SENP1: variants seen among roughly 807,000 people sequenced by gnomAD.
SENP1 encodes the protein SUMO specific peptidase 1.
A neutral mutation model predicts 93.0 loss-of-function variants in SENP1; 21 were observed. The ratio of observed to expected loss-of-function variants is 0.23; its 90% CI spans 0.16 to 0.33. SENP1 has a LOEUF of 0.33. SENP1 is among the 10% of genes least tolerant of loss of function. SENP1 has a pLI of 1.00. For synonymous variants in SENP1, 256 were observed against 259.6 expected (o/e 0.99, Z 0.13); for missense variants, 591 against 758.7 (o/e 0.78, Z 2.60).
intron 5 of SENP1, chr12:48,085,403 T>G (rs1944787124): frequency 2.5e-6 from 3 of 1,215,394 alleles, no homozygotes. Flanking sequence ...GCATGTTCAC[T>G]GCCGAAGACC....
chr12:48,082,550 C>G (rs955151427), intron 6 of SENP1, among the ~76,000 whole-genome samples: 3 of 151,110 alleles, frequency 2.0e-5, no homozygotes, highest in African/African-American at 7.4e-5. Flanking sequence ...GTGGAAAGTA[C>G]ACTGGAAGCT....
intron 13 of SENP1, among the ~76,000 whole-genome samples, chr12:48,056,447 TATATTAC>T (rs1245843559): frequency 1.1e-4 from 12 of 110,642 alleles, no homozygotes; most frequent in Non-Finnish European, 2.0e-4. Context: ...AATTATTTAA[TATATTAC>T]ATATTACATA....
At chr12:48,104,226 A>AAAAT (rs1555189707) in intron 1 of SENP1, among the ~76,000 whole-genome samples, 11 of 53,712 alleles carry the variant, frequency 2.0e-4, no homozygotes, top group Non-Finnish European at 3.0e-4. Flanking sequence ...AGAAGAAAAA[A>AAAAT]ATATATATAG....
At chr12:48,081,364 G>C (rs1271400230) in intron 6 of SENP1, 1 of 152,072 alleles carries the variant, frequency 6.6e-6, no homozygotes, top group Admixed American at 6.6e-5. Context: ...ACTATATAGA[G>C]AAGATTAGCA....
At chr12:48,102,727 G>A (rs1248984189) in intron 1 of SENP1, among the ~76,000 whole-genome samples, 1 of 151,062 alleles carries the variant, frequency 6.6e-6, no homozygotes, top group Non-Finnish European at 1.5e-5. Context: ...CACAAAGGAA[G>A]GCAGCTTAAA....
chr12:48,094,386 A>G (rs1945417006), intron 4 of SENP1, among the ~76,000 whole-genome samples: 1 of 151,870 alleles, frequency 6.6e-6, no homozygotes, highest in East Asian at 1.9e-4. Flanking sequence ...TCTCAAAAAA[A>G]AATTAAAAAT....
At chr12:48,045,441 C>G (rs1172936737) in intron 17 of SENP1, 57 bp from the exon 18 acceptor site, 1 of 1,416,890 alleles carries the variant, frequency 7.1e-7, no homozygotes, top group Non-Finnish European at 1.0e-6. Flanking sequence ...ACCTGATACG[C>G]CTTTCCCCAT....
At chr12:48,085,289 T>C (rs1944780277) in intron 5 of SENP1, 1 of 1,533,738 alleles carries the variant, frequency 6.5e-7, no homozygotes, top group Non-Finnish European at 9.0e-7. Flanking sequence ...TGGTGCAGCA[T>C]GCCCTGGACA....
Position 48,045,019 on chromosome 12 carries a change from G to A in SENP1, c.*303C>T, listed in dbSNP as rs889851441. ...TTTCTCAGTCCCATAATTAGGGACT[G>A]AGTGAGGCTGGAGCCCTTTGAAAAC... is the stretch of plus-strand genomic sequence containing the variant. On this transcript the variant is annotated 3_prime_UTR_variant, in exon 18 of 18. Coordinates refer to ENST00000549518, the MANE Select transcript of SENP1 (RefSeq NM_001267594.2). 5.3e-6 allele frequency: 2 copies of A among 377,344 alleles called. No individual in the cohort carries two copies. The highest frequency in any genetic ancestry group is 3.8e-5 in the East Asian group (1 of 26,080). 23.4% of individuals were successfully genotyped at this position (377,344 alleles called of 1,614,324 possible). A position where few individuals can be genotyped will look rare whatever the true frequency, so the allele number is the denominator to read the frequency against.
chr12:48,048,153 C>T (rs2136753497), intron 14 of SENP1, 73 bp from the exon 15 acceptor site: 2 of 905,662 alleles, frequency 2.2e-6, no homozygotes, highest in Non-Finnish European at 3.6e-6. Context: ...CCCTTCCCTG[C>T]CCTTTGGAAC....
At chr12:48,105,275 A>C (rs1249447120) in intron 1 of SENP1, 3 of 446,504 alleles carry the variant, frequency 6.7e-6, no homozygotes, top group African/African-American at 6.1e-5. Flanking sequence ...TACTGCTAAC[A>C]AGATAGTGGA....
chr12:48,057,854 C>T (rs1408426117), intron 13 of SENP1, among the ~76,000 whole-genome samples: 1 of 150,282 alleles, frequency 6.7e-6, no homozygotes, highest in African/African-American at 2.4e-5. Context: ...ACCTTGGCCT[C>T]GCAAAGTGCT....
chr12:48,085,219 G>A lies in SENP1; in HGVS notation c.381-1457C>T, dbSNP rs61750873. 7,584 of 1,534,336 alleles carry A rather than the reference G, an allele frequency of 4.9e-3. 291 individuals are homozygous for A. In the African/African-American group the frequency reaches 0.087, roughly 18 times the overall value. On this transcript the variant is annotated intron_variant, in intron 5 of 17. Coordinates refer to ENST00000549518, the MANE Select transcript of SENP1 (RefSeq NM_001267594.2). ...ATCAATGAGATCGAAGACACTTTCC[G>A]GCAATTTCTAAACCGGGATGACACT... is the stretch of plus-strand genomic sequence containing the variant.
At position 48,096,370 on chromosome 12, in the gene SENP1, C is replaced by A; in HGVS notation, c.193G>T (p.Ala65Ser). 6.2e-7 allele frequency: 1 copy of A among 1,608,480 alleles called. No homozygotes were observed. The highest frequency in any genetic ancestry group is 8.5e-7 in the Non-Finnish European group (1 of 1,175,212). Residue 65 changes from alanine to serine, a missense_variant, in exon 4 of 18, where the codon GCA (alanine) becomes TCA (serine). By Grantham distance (99) the Ala-to-Ser change is moderately conservative (BLOSUM62 1). Around this residue, in one of 4 missense-constraint regions of SENP1, gnomAD observed 214 missense variants for 243.4 expected, o/e 0.88. Transcript: ENST00000549518. ...GAGTAATAGCTTGGATTATAAGCTGCACTTCTTGTGGAACATGTAAAAGAT... is the reference window on the plus strand; with the variant it reads ...GAGTAATAGCTTGGATTATAAGCTGAACTTCTTGTGGAACATGTAAAAGAT... The part of the protein sequence containing the change: ...DRSFTCSTRS[A>S]AYNPSYYSDN...
chr12:48,093,785 C>A (rs139514589), intron 4 of SENP1, among the ~76,000 whole-genome samples: 20 of 149,048 alleles, frequency 1.3e-4, no homozygotes, highest in East Asian at 3.9e-4. Flanking sequence ...GACAACATGG[C>A]GAAACTCCGT....
chr12:48,105,917 C>CT (rs1242088099), intron 1 of SENP1, 111 bp downstream of exon 1: 1 of 657,928 alleles, frequency 1.5e-6, no homozygotes, highest in Non-Finnish European at 2.8e-6. Flanking sequence ...CCCCACAGTG[C>CT]TCCCCGCTTC....
chr12:48,084,403 GAACTCAAA>G (rs1165361182), intron 5 of SENP1, among the ~76,000 whole-genome samples: 1 of 149,462 alleles, frequency 6.7e-6, no homozygotes, highest in Non-Finnish European at 1.5e-5. Context: ...AGAATATTGT[GAACTCAAA>G]AACCCTGTCT....
At chr12:48,092,374 A>T (rs1445345179) in intron 4 of SENP1, among the ~76,000 whole-genome samples, 1 of 152,246 alleles carries the variant, frequency 6.6e-6, no homozygotes, top group African/African-American at 2.4e-5. Context: ...ATGAGTGTGG[A>T]AAGAGGAAGA....
intron 5 of SENP1, chr12:48,085,315 T>C (rs1281066120): frequency 6.7e-7 from 1 of 1,490,356 alleles, no homozygotes; most frequent in Non-Finnish European, 9.3e-7. Flanking sequence ...CAGCACTCTA[T>C]CCCTACTGTC....
Sources: allele counts gnomAD v4.1 joint callset (sites outside exome capture counted in the v4.1 genomes callset), GRCh38; gene constraint gnomAD v4.1.1; regional missense constraint gnomAD v4.1.1; transcripts MANE v1.5; gene names NCBI Gene and HGNC (gene_info 2026-07-23, HGNC 2026-07-21).